ZNF704: variants seen among roughly 807,000 people sequenced by gnomAD.
ZNF704 encodes the protein zinc finger protein 704.
In ZNF704, 10 loss-of-function variants were observed where a neutral mutation model predicts 44.7. The ratio of observed to expected loss-of-function variants is 0.22; its 90% CI spans 0.14 to 0.38. The LOEUF (loss-of-function observed/expected upper bound fraction) is 0.38. Ranked by LOEUF, ZNF704 falls within the 10% of genes least tolerant of loss-of-function variation. The pLI is 1.00. For missense variants in ZNF704, 390 were observed against 545.5 expected (o/e 0.71, Z 2.84); for synonymous variants, 211 against 207.6 (o/e 1.02, Z -0.14).
intron 4 of ZNF704, among the ~76,000 whole-genome samples, chr8:80,679,654 G>A (rs1035758888): frequency 1.3e-5 from 2 of 152,190 alleles, no homozygotes; most frequent in South Asian, 4.1e-4. Context: ...AAGTCTAACA[G>A]AATGGTCTTC....
intron 7 of ZNF704, among the ~76,000 whole-genome samples, chr8:80,652,960 C>G (rs528229109): frequency 0.1 from 15,714 of 152,108 alleles, 1,192 homozygotes; most frequent in African/African-American, 0.21. Context: ...CATCAAAAAG[C>G]TTATCCACCA....
At chr8:80,788,554 A>G (rs185551143) in intron 2 of ZNF704, among the ~76,000 whole-genome samples, 1 of 152,170 alleles carries the variant, frequency 6.6e-6, no homozygotes, top group Non-Finnish European at 1.5e-5. Flanking sequence ...GGGCAAACTC[A>G]ATTCTTTACC....
At chr8:80,834,756 TC>T (rs1808530533) in intron 1 of ZNF704, among the ~76,000 whole-genome samples, 1 of 152,202 alleles carries the variant, frequency 6.6e-6, no homozygotes, top group East Asian at 1.9e-4. Flanking sequence ...ACTGTTGAAC[TC>T]CCACTCATGA....
chr8:80,739,278 C>T (rs1415461338), intron 2 of ZNF704, among the ~76,000 whole-genome samples: 2 of 152,192 alleles, frequency 1.3e-5, no homozygotes, highest in Non-Finnish European at 2.9e-5. Flanking sequence ...ATCAGGTGCT[C>T]AGATGGCTCA....
intron 7 of ZNF704, among the ~76,000 whole-genome samples, chr8:80,647,259 A>G (rs1336013572): frequency 1.3e-5 from 2 of 151,708 alleles, no homozygotes; most frequent in African/African-American, 4.9e-5. Context: ...AGGAGAGGAC[A>G]TTTATTTATC....
At chr8:80,697,320 A>G (rs1319148914) in intron 2 of ZNF704, among the ~76,000 whole-genome samples, 2 of 152,190 alleles carry the variant, frequency 1.3e-5, no homozygotes, top group Non-Finnish European at 2.9e-5. Flanking sequence ...TTAAGAAATG[A>G]GTGAAAATGG....
intron 7 of ZNF704, among the ~76,000 whole-genome samples, chr8:80,644,760 T>C (rs920798581): frequency 7.2e-5 from 11 of 152,178 alleles, no homozygotes; most frequent in African/African-American, 2.4e-4. Context: ...GCTATGGTGG[T>C]GGTGGCTCTA....
the ZNF704 span, among the ~76,000 whole-genome samples, chr8:80,880,119 T>G: frequency 6.6e-6 from 1 of 152,200 alleles, no homozygotes; most frequent in African/African-American, 2.4e-5. Flanking sequence ...TGAAACTTAT[T>G]TCATTATCTG....
chr8:80,821,319 A>G (rs76946802), intron 2 of ZNF704, 55 bp downstream of exon 2: 90,520 of 1,544,026 alleles, frequency 0.059, 3,020 homozygotes, highest in Middle Eastern at 0.085. Context: ...GAGATTATGC[A>G]TGCTCTCCAC....
At chr8:80,688,594 C>A (rs1246701069) in intron 3 of ZNF704, among the ~76,000 whole-genome samples, 1 of 152,188 alleles carries the variant, frequency 6.6e-6, no homozygotes. Context: ...AGTCCCTGGG[C>A]TGTAAACAAC....
chr8:80,669,897 A>G (rs1030107052), intron 5 of ZNF704, among the ~76,000 whole-genome samples: 20 of 152,200 alleles, frequency 1.3e-4, no homozygotes, highest in Non-Finnish European at 2.6e-4. Context: ...AGGCTGTTAT[A>G]TAATGAGGAA....
chr8:80,700,991 T>C (rs1267489647), intron 2 of ZNF704, among the ~76,000 whole-genome samples: 1 of 152,024 alleles, frequency 6.6e-6, no homozygotes, highest in Non-Finnish European at 1.5e-5. Flanking sequence ...AGGCTAGTAC[T>C]TCTGACCTAG....
At chr8:80,821,318 C>T in intron 2 of ZNF704, 56 bp downstream of exon 2, 6 of 1,523,996 alleles carry the variant, frequency 3.9e-6, no homozygotes, top group Non-Finnish European at 5.5e-6. Flanking sequence ...AGAGATTATG[C>T]ATGCTCTCCA....
At chr8:80,670,443 T>C in intron 5 of ZNF704, 60 bp downstream of exon 5, 1 of 1,235,224 alleles carries the variant, frequency 8.1e-7, no homozygotes, top group Non-Finnish European at 1.2e-6. Flanking sequence ...AATTTCTGAG[T>C]GCGGGTGGCC....
intron 2 of ZNF704, among the ~76,000 whole-genome samples, chr8:80,809,104 C>T (rs1270218810): frequency 6.6e-6 from 1 of 152,172 alleles, no homozygotes; most frequent in Non-Finnish European, 1.5e-5. Flanking sequence ...CCAACTTGGC[C>T]AACACGGTGA....
the ZNF704 span, among the ~76,000 whole-genome samples, chr8:80,880,516 ATTTCT>A: frequency 6.6e-6 from 1 of 152,180 alleles, no homozygotes; most frequent in African/African-American, 2.4e-5. Context: ...ATTTATTTTC[ATTTCT>A]TTTCTATGCA....
At chr8:80,881,336 A>G in the ZNF704 span, among the ~76,000 whole-genome samples, 1 of 152,258 alleles carries the variant, frequency 6.6e-6, no homozygotes, top group African/African-American at 2.4e-5. Flanking sequence ...AGCCACTACA[A>G]AGAGTGAGGG....
rs1306654882 is a variant in ZNF704, at chr8:80,632,025, C to T, written c.*9341G>A. On this transcript the variant is annotated 3_prime_UTR_variant, in exon 9 of 9. Coordinates refer to ENST00000327835, the MANE Select transcript of ZNF704 (RefSeq NM_001033723.3). ...TCTTTCAATGGCAAATTCACTGGGG[C>T]TTGCCAAGATGGGGGAAAGCAAGAC... The T allele has an allele frequency of 6.6e-6, 1 of 152,142 alleles. No individual in the cohort carries two copies. Among genetic ancestry groups the T allele is most frequent in the Non-Finnish European group, 1.5e-5 (1 of 68,046 alleles). The allele number at this position is 152,142 out of a possible 1,614,324, so 9.4% of individuals were successfully genotyped here.
rs1178572438 is a variant in ZNF704 at position 80,630,978 on chromosome 8, A to G, written c.*10388T>C. 2.0e-5 allele frequency: 3 copies of G among 151,848 alleles called. No individual in the cohort carries two copies. Among genetic ancestry groups the G allele is most frequent in the Non-Finnish European group, 2.9e-5 (2 of 67,970 alleles). 9.4% of individuals were successfully genotyped at this position (151,848 alleles called of 1,614,324 possible). ...GTCATGGGACTAGTATGTTTTGGAG[A>G]TTTTTTAGTTCTTCCCTAAAAAGCT... On this transcript the variant is annotated 3_prime_UTR_variant, in exon 9 of 9. Coordinates refer to ENST00000327835, the MANE Select transcript of ZNF704 (RefSeq NM_001033723.3).
Sources: allele counts gnomAD v4.1 joint callset (sites outside exome capture counted in the v4.1 genomes callset), GRCh38; gene constraint gnomAD v4.1.1; transcripts MANE v1.5; gene names NCBI Gene and HGNC (gene_info 2026-07-23, HGNC 2026-07-21).